The following GPM6A variants were observed in gnomAD, a reference collection of about 807,000 sequenced individuals.
The protein encoded by GPM6A is glycoprotein M6A.
GPM6A carries 7 observed loss-of-function variants against 32.1 expected under a neutral mutation model. That is an observed-to-expected ratio of 0.22 (90% CI 0.12 to 0.41). The LOEUF (loss-of-function observed/expected upper bound fraction) is 0.41. GPM6A is among the 10% of genes least tolerant of loss of function. GPM6A has a pLI of 1.00. For missense variants in GPM6A, 235 were observed against 347.2 expected, an observed-to-expected ratio of 0.68 and a Z score of 2.57; for synonymous variants, 130 against 123.4, an observed-to-expected ratio of 1.05 and a Z score of -0.35.
At chr4:175,729,966 G>C in intron 1 of GPM6A, among the ~76,000 whole-genome samples, 1 of 146,604 alleles carries the variant, frequency 6.8e-6, no homozygotes, top group Admixed American at 6.8e-5. Flanking sequence ...TATATATAAA[G>C]TCAACTTCTC....
chr4:175,972,050 A>G (rs1009795546), intron 1 of GPM6A: 3 of 152,064 alleles, frequency 2.0e-5, no homozygotes, highest in Admixed American at 2.0e-4. Flanking sequence ...AGTGTCTTTG[A>G]CCTAAATTCT....
chr4:175,994,259 T>C lies in GPM6A; in HGVS notation c.-23+8050A>G, dbSNP rs541882533. On this transcript the variant is annotated intron_variant, in intron 1 of 7. Coordinates refer to the GPM6A transcript ENST00000280187. ...GATGAAAAAGAAGAGACAGCAACTATAGAAACTTAGTAAGTTTAGTAGTGA... is the reference window on the plus strand; with the variant it reads ...GATGAAAAAGAAGAGACAGCAACTACAGAAACTTAGTAAGTTTAGTAGTGA... Among the ~76,000 whole-genome samples the C allele has an allele frequency of 2.2e-4, 33 of 152,312 alleles. 1 individual carries two copies. In the South Asian group the frequency reaches 6.4e-3, roughly 30 times the overall value.
intron 1 of GPM6A, among the ~76,000 whole-genome samples, chr4:175,919,027 G>C (rs1252734971): frequency 6.6e-6 from 1 of 152,006 alleles, no homozygotes; most frequent in African/African-American, 2.4e-5. Context: ...CTAATAAATT[G>C]ATATAAAACT....
chr4:175,881,062 C>A lies in GPM6A; in HGVS notation c.-22-68813G>T, dbSNP rs558936378. 2.5e-3 allele frequency among the ~76,000 whole-genome samples: 376 copies of A among 152,176 alleles called. 17 individuals are homozygous for A. In the South Asian group the frequency reaches 0.074, roughly 30 times the overall value. On this transcript the variant is annotated intron_variant, in intron 1 of 7. Coordinates refer to the GPM6A transcript ENST00000280187. ...ACCATCAGAGTGAACAGGCAACCTA[C>A]AGAATGGGAGAAAAGTTTTGCAATC...
chr4:175,731,061 C>A (rs903533591), intron 1 of GPM6A, among the ~76,000 whole-genome samples: 1 of 152,134 alleles, frequency 6.6e-6, no homozygotes. Flanking sequence ...TCCATTGGCC[C>A]ATTTCTATCA....
chr4:175,968,496 C>A (rs1313036011), intron 1 of GPM6A, among the ~76,000 whole-genome samples: 1 of 152,126 alleles, frequency 6.6e-6, no homozygotes, highest in East Asian at 1.9e-4. Flanking sequence ...GACAGGCCAC[C>A]AGCTGGGAGA....
At chr4:175,702,429 C>A (rs747219985) in intron 1 of GPM6A, among the ~76,000 whole-genome samples, 1 of 152,150 alleles carries the variant, frequency 6.6e-6, no homozygotes, top group Non-Finnish European at 1.5e-5. Flanking sequence ...ATTCTTTTTA[C>A]GTAAGTGTGT....
At chr4:175,706,557 C>T (rs553866949) in intron 1 of GPM6A, among the ~76,000 whole-genome samples, 8 of 152,256 alleles carry the variant, frequency 5.3e-5, no homozygotes, top group Non-Finnish European at 7.4e-5. Context: ...ATTTACCAGG[C>T]GGCTGATTGC....
intron 1 of GPM6A, among the ~76,000 whole-genome samples, chr4:175,818,326 A>T (rs565322793): frequency 2.6e-5 from 4 of 152,348 alleles, no homozygotes; most frequent in African/African-American, 9.6e-5. Flanking sequence ...TCTCAGCTGG[A>T]AAGTGTTATC....
At chr4:175,953,212 A>G (rs553924173) in intron 1 of GPM6A, among the ~76,000 whole-genome samples, 2 of 152,198 alleles carry the variant, frequency 1.3e-5, no homozygotes, top group Non-Finnish European at 1.5e-5. Flanking sequence ...ATTTTATTCT[A>G]TATCAAACTG....
At chr4:175,859,948 C>T (rs1349537016) in intron 1 of GPM6A, among the ~76,000 whole-genome samples, 1 of 151,990 alleles carries the variant, frequency 6.6e-6, no homozygotes, top group Non-Finnish European at 1.5e-5. Flanking sequence ...CTAAAGGACA[C>T]ATGGGTCAAA....
chr4:175,768,033 TCACCC>T (rs1438306516), intron 1 of GPM6A, among the ~76,000 whole-genome samples: 1 of 152,192 alleles, frequency 6.6e-6, no homozygotes, highest in Non-Finnish European at 1.5e-5. Flanking sequence ...AGATAGTAGT[TCACCC>T]CTAAAACTGA....
At chr4:175,719,466 A>G (rs141337079) in intron 1 of GPM6A, among the ~76,000 whole-genome samples, 1 of 152,278 alleles carries the variant, frequency 6.6e-6, no homozygotes, top group African/African-American at 2.4e-5. Context: ...ATATTCTCAA[A>G]TATTTCCTAC....
At chr4:175,647,409 A>G (rs935832080) in intron 4 of GPM6A, among the ~76,000 whole-genome samples, 1 of 152,362 alleles carries the variant, frequency 6.6e-6, no homozygotes, top group Admixed American at 6.5e-5. Context: ...AGCATCAAAA[A>G]TACGAATAAA....
chr4:175,994,564 T>G (rs1180108648), intron 1 of GPM6A, among the ~76,000 whole-genome samples: 2 of 152,226 alleles, frequency 1.3e-5, no homozygotes, highest in Non-Finnish European at 2.9e-5. Context: ...TTTAAAATAC[T>G]TTATTGCTAG....
intron 3 of GPM6A, among the ~76,000 whole-genome samples, chr4:175,668,612 C>A (rs1369019832): frequency 6.7e-6 from 1 of 149,886 alleles, no homozygotes; most frequent in African/African-American, 2.4e-5. Flanking sequence ...CTTAGAAATT[C>A]ATCTTAGGCC....
chr4:175,916,417 T>C (rs1738495207), intron 1 of GPM6A, among the ~76,000 whole-genome samples: 1 of 152,238 alleles, frequency 6.6e-6, no homozygotes, highest in South Asian at 2.1e-4. Flanking sequence ...TCCCATATTT[T>C]AGCAAAATGT....
At position 175,633,625 on chromosome 4, in the gene GPM6A, A is replaced by G. The variant is rs1002114295; in HGVS notation, c.*1280T>C. On this transcript the variant is annotated 3_prime_UTR_variant, in exon 7 of 7. Coordinates refer to ENST00000393658, the MANE Select transcript of GPM6A (RefSeq NM_201591.3). ...TAGCATTAGAAATAATGAAAAGAAG[A>G]GCGTCAAGGTGAAAACAAACACCAA... 1 of 152,562 alleles carries G rather than the reference A, an allele frequency of 6.6e-6. No individual in the cohort carries two copies. Among genetic ancestry groups the G allele is most frequent in the East Asian group, 1.9e-4 (1 of 5,202 alleles). The allele number at this position is 152,562 out of a possible 1,614,324, so 9.5% of individuals were successfully genotyped here. A position where few individuals can be genotyped will look rare whatever the true frequency, so the allele number is the denominator to read the frequency against.
At chr4:175,934,899 T>C (rs1739168975) in intron 1 of GPM6A, among the ~76,000 whole-genome samples, 1 of 152,196 alleles carries the variant, frequency 6.6e-6, no homozygotes, top group Admixed American at 6.5e-5. Context: ...TAAGCCAGCA[T>C]GTATATCCTT....
Sources: gnomAD v4.1 joint callset for allele counts (sites outside exome capture counted in the v4.1 genomes callset) on GRCh38, gnomAD v4.1.1 for gene constraint, MANE v1.5 for transcripts, NCBI Gene and HGNC (gene_info 2026-07-23, HGNC 2026-07-21) for gene names.